The following DCAF1 variants were observed in gnomAD, a reference collection of about 807,000 sequenced individuals.
DCAF1 encodes DDB1 and CUL4 associated factor 1, also known as DDB1- and CUL4-associated factor 1.
Under a neutral mutation model 128.0 loss-of-function variants are expected in DCAF1, and 15 were observed. That is an observed-to-expected ratio of 0.12 (90% CI 0.08 to 0.18). The LOEUF (loss-of-function observed/expected upper bound fraction) is 0.18, where lower values mean the gene tolerates loss of function less well. Among genes scored for constraint, DCAF1 ranks in the 10% least tolerant of loss-of-function variants. The pLI is 1.00. For synonymous variants in DCAF1, 610 were observed against 603.0 expected (o/e 1.01, Z -0.17); for missense variants, 988 against 1,649.5 (o/e 0.60, Z 6.95).
At chr3:51,432,527 C>A (rs1323133377) in intron 10 of DCAF1, among the ~76,000 whole-genome samples, 1 of 151,602 alleles carries the variant, frequency 6.6e-6, no homozygotes, top group South Asian at 2.1e-4. Context: ...GCCACAGTCT[C>A]GGCTCACTGC....
rs782195320 is a variant in DCAF1 at position 51,496,741 on chromosome 3, G to C, written c.-16C>G. 1.3e-5 allele frequency among the ~76,000 whole-genome samples: 2 copies of C among 152,100 alleles called. No individual in the cohort carries two copies. Among genetic ancestry groups the C allele is most frequent in the Admixed American group, 6.6e-5 (1 of 15,218 alleles). ...CCAACTCTGCTGACATACCTGTGAA[G>C]TCTTGGTTATTTAACTTCTCCAAAT... On this transcript the variant is annotated 5_prime_UTR_variant, in exon 2 of 25. Coordinates refer to ENST00000684031, the MANE Select transcript of DCAF1 (RefSeq NM_001387579.1).
At chr3:51,442,357 A>C (rs561285647) in intron 7 of DCAF1, among the ~76,000 whole-genome samples, 2 of 152,278 alleles carry the variant, frequency 1.3e-5, no homozygotes, top group African/African-American at 4.8e-5. Flanking sequence ...TTTTAAGTAC[A>C]TACTTTTTGG....
At chr3:51,436,146 A>G (rs1700807802) in intron 9 of DCAF1, among the ~76,000 whole-genome samples, 1 of 152,196 alleles carries the variant, frequency 6.6e-6, no homozygotes, top group African/African-American at 2.4e-5. Context: ...CTTCCCATCT[A>G]CCAGAAAATT....
intron 24 of DCAF1, among the ~76,000 whole-genome samples, chr3:51,401,599 G>A (rs1253005467): frequency 1.3e-5 from 2 of 152,186 alleles, no homozygotes; most frequent in African/African-American, 4.8e-5. Context: ...ATTACCTTTG[G>A]CTTGAAAGAA....
At chr3:51,424,459 G>A (rs975083090) in intron 13 of DCAF1, among the ~76,000 whole-genome samples, 3 of 151,796 alleles carry the variant, frequency 2.0e-5, no homozygotes, top group Admixed American at 1.3e-4. Flanking sequence ...TATTGCTGGT[G>A]GGGGATGACA....
At chr3:51,416,758 C>A (rs372528204) in intron 18 of DCAF1, 29 bp downstream of exon 18, 1 of 1,591,892 alleles carries the variant, frequency 6.3e-7, no homozygotes, top group Non-Finnish European at 8.6e-7. Context: ...GTATGATCAG[C>A]TTGAAAACAG....
intron 23 of DCAF1, among the ~76,000 whole-genome samples, chr3:51,409,740 TG>T (rs1407686816): frequency 1.3e-5 from 2 of 152,104 alleles, no homozygotes; most frequent in Non-Finnish European, 1.5e-5. Flanking sequence ...ATAGCTAATG[TG>T]AAAAAGTAGG....
Position 51,398,543 on chromosome 3 carries a change from G to A in DCAF1, c.*226C>T, listed in dbSNP as rs897242350. 4 of 512,632 alleles carry A rather than the reference G, an allele frequency of 7.8e-6. No individual in the cohort carries two copies. Among genetic ancestry groups the A allele is most frequent in the Non-Finnish European group, 1.0e-5 (3 of 291,678 alleles). 31.8% of individuals were successfully genotyped at this position (512,632 alleles called of 1,614,324 possible). A position where few individuals can be genotyped will look rare whatever the true frequency, so the allele number is the denominator to read the frequency against. On this transcript the variant is annotated 3_prime_UTR_variant, in exon 25 of 25. Coordinates refer to ENST00000684031, the MANE Select transcript of DCAF1 (RefSeq NM_001387579.1). ...GAAATGGTGGGGGGTGGATGTGGGG[G>A]GTGCAGAGTAGGGCCTAGTCCCTGT...
chr3:51,408,845 A>C (rs530170304), intron 23 of DCAF1, among the ~76,000 whole-genome samples: 1 of 152,366 alleles, frequency 6.6e-6, no homozygotes, highest in East Asian at 1.9e-4. Flanking sequence ...CCAGATGATC[A>C]ATAAAAGCTG....
chr3:51,421,140 T>C (rs1699354192), intron 14 of DCAF1, 143 bp from the exon 15 acceptor site: 1 of 958,266 alleles, frequency 1.0e-6, no homozygotes, highest in Non-Finnish European at 1.5e-6. Flanking sequence ...AGGGTTTGTA[T>C]AAAGTGCAGA....
chr3:51,416,008 C>T (rs1698848787), intron 18 of DCAF1, among the ~76,000 whole-genome samples: 1 of 152,116 alleles, frequency 6.6e-6, no homozygotes, highest in Non-Finnish European at 1.5e-5. Context: ...CATGCCTACC[C>T]AGGCCCAAAC....
intron 18 of DCAF1, 117 bp downstream of exon 18, chr3:51,416,670 G>C: frequency 7.2e-7 from 1 of 1,387,994 alleles, no homozygotes; most frequent in Non-Finnish European, 9.9e-7. Context: ...TAACTAGAAG[G>C]AATATCACTG....
chr3:51,403,036 T>C (rs1298407801), intron 24 of DCAF1, 107 bp downstream of exon 24: 1 of 1,473,882 alleles, frequency 6.8e-7, no homozygotes, highest in Non-Finnish European at 9.0e-7. Context: ...AATCAAATTA[T>C]GGGGCACAGA....
chr3:51,474,784 C>CTTTTTT (rs782363207), intron 3 of DCAF1, among the ~76,000 whole-genome samples: 1 of 121,812 alleles, frequency 8.2e-6, no homozygotes, highest in Admixed American at 9.3e-5. Flanking sequence ...GCATGCCTGG[C>CTTTTTT]TTTTTTTTTT....
In DCAF1 at chr3:51,398,809, G is replaced by T; in HGVS notation, c.4484C>A (p.Ser1495Tyr). The T allele has an allele frequency of 6.3e-7, 1 of 1,588,374 alleles. No homozygotes were observed. The highest frequency in any genetic ancestry group is 2.3e-5 in the East Asian group (1 of 44,186). Reference protein sequence around the residue: ...ILGDTDSSDNSDLEDDIILSL... With the variant: ...ILGDTDSSDNYDLEDDIILSL... ...TAAGATGATGTCATCTTCCAAATCA[G>T]AGTTGTCAGAGCTGTCAGCTGAAAG... Residue 1495 changes from serine (S) to tyrosine (Y), a missense_variant, in exon 25 of 25, where the codon TCT becomes TAT. Ser to Tyr is a moderately radical substitution (Grantham distance 144, BLOSUM62 -2). Coordinates refer to ENST00000684031, the MANE Select transcript of DCAF1 (RefSeq NM_001387579.1).
intron 6 of DCAF1, among the ~76,000 whole-genome samples, chr3:51,454,180 C>G (rs1339752183): frequency 1.3e-5 from 2 of 152,076 alleles, no homozygotes; most frequent in Non-Finnish European, 2.9e-5. Context: ...ACATCTGGGA[C>G]TACAGGCATG....
chr3:51,439,886 A>T (rs1553638157), intron 9 of DCAF1, among the ~76,000 whole-genome samples: 3 of 151,600 alleles, frequency 2.0e-5, no homozygotes, highest in African/African-American at 7.3e-5. Context: ...CCAGCTACTC[A>T]GGAGGCTGAG....
intron 3 of DCAF1, among the ~76,000 whole-genome samples, chr3:51,480,509 G>A (rs1553652398): frequency 6.8e-6 from 1 of 146,484 alleles, no homozygotes; most frequent in African/African-American, 2.5e-5. Flanking sequence ...TGAGGCAGGA[G>A]AATTGCTTGA....
chr3:51,418,039 C>CA, intron 17 of DCAF1, 77 bp downstream of exon 17: 2 of 1,515,462 alleles, frequency 1.3e-6, no homozygotes, highest in Non-Finnish European at 1.8e-6. Context: ...AAAAGGCTTC[C>CA]AGTCTAAGAA....
Sources: allele counts gnomAD v4.1 joint callset (sites outside exome capture counted in the v4.1 genomes callset), GRCh38; gene constraint gnomAD v4.1.1; transcripts MANE v1.5; gene names NCBI Gene and HGNC (gene_info 2026-07-23, HGNC 2026-07-21).